The following USP45 variants were observed in gnomAD, a reference collection of about 807,000 sequenced individuals.
USP45 encodes ubiquitin carboxyl-terminal hydrolase 45.
In USP45, 89 loss-of-function variants were observed where a neutral mutation model predicts 95.8. The ratio of observed to expected loss-of-function variants is 0.93; its 90% CI spans 0.78 to 1.11. The LOEUF is 1.11. USP45 is among the 50% of genes least tolerant of loss of function. The probability of loss-of-function intolerance (pLI) is 0.00; values close to 1 mark genes in which losing one functional copy is unlikely to be tolerated. For synonymous variants in USP45, 281 were observed against 316.2 expected, an observed-to-expected ratio of 0.89 and a Z score of 1.18; for missense variants, 898 against 942.5, an observed-to-expected ratio of 0.95 and a Z score of 0.62.
At chr6:99,484,470 T>A (rs1357745100) in intron 7 of USP45, among the ~76,000 whole-genome samples, 1 of 152,022 alleles carries the variant, frequency 6.6e-6, no homozygotes, top group Admixed American at 6.5e-5. Flanking sequence ...GAATGAGCCA[T>A]GGTGCTCGGC....
chr6:99,458,938 T>G (rs1325780522), intron 13 of USP45, among the ~76,000 whole-genome samples: 2 of 152,164 alleles, frequency 1.3e-5, no homozygotes, highest in Non-Finnish European at 2.9e-5. Context: ...ATTAACCAGA[T>G]GCATATAAGT....
chr6:99,465,460 GT>G (rs1787697340), intron 11 of USP45, among the ~76,000 whole-genome samples: 1 of 152,210 alleles, frequency 6.6e-6, no homozygotes, highest in Admixed American at 6.5e-5. Flanking sequence ...GCTTAGGGCT[GT>G]AACATAAGTA....
chr6:99,462,687 A>C, intron 13 of USP45: 1 of 985,746 alleles, frequency 1.0e-6, no homozygotes. Context: ...TAACAGAGTA[A>C]GTTAAATTCA....
chr6:99,487,746 G>A (rs1794295466), intron 7 of USP45, among the ~76,000 whole-genome samples: 1 of 151,634 alleles, frequency 6.6e-6, no homozygotes, highest in East Asian at 1.9e-4. Flanking sequence ...AGTGAGCTGA[G>A]ATCGCGCCAC....
intron 1 of USP45, among the ~76,000 whole-genome samples, chr6:99,511,281 A>G (rs2128818931): frequency 6.6e-6 from 1 of 151,984 alleles, no homozygotes; most frequent in Non-Finnish European, 1.5e-5. Flanking sequence ...CCTCCCAAGT[A>G]GCTGGGATTA....
In USP45 at chr6:99,510,480, T is replaced by A. The variant is rs537362402; in HGVS notation, c.-10-250A>T. 2.0e-5 allele frequency among the ~76,000 whole-genome samples: 3 copies of A among 152,174 alleles called. No individual in the cohort carries two copies. The South Asian group carries it at 6.2e-4, about 32-fold the overall frequency. On this transcript the variant is annotated intron_variant, in intron 1 of 17. Coordinates refer to ENST00000500704, the MANE Select transcript of USP45 (RefSeq NM_001346022.3). ...TAAATGTTTGTGTCCCCACTCCAAA[T>A]TGATATGTTGAACTCTAATCCCCAA...
intron 14 of USP45, among the ~76,000 whole-genome samples, chr6:99,445,284 A>G (rs564308816): frequency 6.6e-6 from 1 of 152,250 alleles, no homozygotes; most frequent in South Asian, 2.1e-4. Flanking sequence ...GGCATTCAAG[A>G]CCAGCCTGGC....
chr6:99,504,820 G>A (rs1342687758), intron 4 of USP45, among the ~76,000 whole-genome samples: 1 of 152,160 alleles, frequency 6.6e-6, no homozygotes, highest in Non-Finnish European at 1.5e-5. Flanking sequence ...AGAGGCCAGG[G>A]ATGCTGGTAA....
intron 13 of USP45, among the ~76,000 whole-genome samples, chr6:99,448,454 A>G (rs1447241702): frequency 2.6e-5 from 4 of 152,252 alleles, no homozygotes; most frequent in Admixed American, 1.3e-4. Context: ...ATTGAAGATC[A>G]AATGAATGAA....
chr6:99,461,649 T>C (rs1241659507), intron 13 of USP45: 5 of 983,388 alleles, frequency 5.1e-6, no homozygotes, highest in Non-Finnish European at 6.0e-6. Context: ...TCATTCTTCA[T>C]ATTAAGTTTT....
chr6:99,443,908 A>G (rs1781985290), intron 14 of USP45, among the ~76,000 whole-genome samples: 1 of 152,214 alleles, frequency 6.6e-6, no homozygotes, highest in Non-Finnish European at 1.5e-5. Flanking sequence ...AAAATTTTGG[A>G]AGGTAGAAAG....
intron 17 of USP45, 130 bp from the exon 18 acceptor site, chr6:99,435,976 C>T: frequency 3.3e-6 from 3 of 910,872 alleles, no homozygotes; most frequent in Non-Finnish European, 4.7e-6. Context: ...CCTGTTTTTT[C>T]TTGGGTTAAG....
At chr6:99,449,832 C>G (rs1471456425) in intron 13 of USP45, among the ~76,000 whole-genome samples, 2 of 152,234 alleles carry the variant, frequency 1.3e-5, no homozygotes, top group East Asian at 3.8e-4. Context: ...CAAATTGTCT[C>G]TCAGACCACA....
chr6:99,435,683 AC>A lies in USP45; in HGVS notation c.*32del. 6.3e-7 allele frequency: 1 copy of A among 1,587,052 alleles called. No individual in the cohort carries two copies. Among genetic ancestry groups the A allele is most frequent in the Non-Finnish European group, 8.6e-7 (1 of 1,163,512 alleles). On this transcript the variant is annotated 3_prime_UTR_variant, in exon 18 of 18. Transcript: ENST00000500704. ...ATAGTTATCACTGTGGCATTCAAAA[AC>A]AAATGACCTAAATAATCATTACCAT...
upstream of USP45, among the ~76,000 whole-genome samples, chr6:99,516,638 G>C (rs945456862): frequency 4.6e-5 from 7 of 152,120 alleles, no homozygotes; most frequent in African/African-American, 1.7e-4. Flanking sequence ...TTTGGGGTTA[G>C]GATAATTTTT....
At chr6:99,476,979 C>A (rs1791031611) in intron 8 of USP45, among the ~76,000 whole-genome samples, 1 of 152,078 alleles carries the variant, frequency 6.6e-6, no homozygotes, top group Admixed American at 6.6e-5. Flanking sequence ...TAAAAAGTAA[C>A]CTACAGTAAA....
At chr6:99,445,365 C>G (rs1782315060) in intron 14 of USP45, among the ~76,000 whole-genome samples, 1 of 151,826 alleles carries the variant, frequency 6.6e-6, no homozygotes, top group South Asian at 2.1e-4. Context: ...CGCCTGTAAT[C>G]TCAGCTACTC....
intron 9 of USP45, among the ~76,000 whole-genome samples, 184 bp downstream of exon 9, chr6:99,475,959 G>C (rs1215401791): frequency 6.6e-6 from 1 of 152,114 alleles, no homozygotes; most frequent in Non-Finnish European, 1.5e-5. Flanking sequence ...CAAGTAGCTG[G>C]AATTACAGGT....
At chr6:99,450,555 C>A (rs1396991725) in intron 13 of USP45, among the ~76,000 whole-genome samples, 1 of 152,084 alleles carries the variant, frequency 6.6e-6, no homozygotes, top group Admixed American at 6.6e-5. Flanking sequence ...GCCTACCAAT[C>A]AAAAAAAGTT....
Sources: allele counts gnomAD v4.1 joint callset (sites outside exome capture counted in the v4.1 genomes callset), GRCh38; gene constraint gnomAD v4.1.1; transcripts MANE v1.5; gene names NCBI Gene and HGNC (gene_info 2026-07-23, HGNC 2026-07-21).